The following RARS2 variants were observed in gnomAD, a reference collection of about 807,000 sequenced individuals.
RARS2 encodes the protein probable arginine--tRNA ligase, mitochondrial.
In RARS2, 67 loss-of-function variants were observed where a neutral mutation model predicts 88.5. That is an observed-to-expected ratio of 0.76 (90% confidence interval 0.62 to 0.93). The LOEUF (loss-of-function observed/expected upper bound fraction) is 0.93, where lower values mean the gene tolerates loss of function less well. Ranked by LOEUF, RARS2 falls within the 40% of genes least tolerant of loss-of-function variation. The pLI, the probability that RARS2 is intolerant of heterozygous loss-of-function variation, is 0.00. For synonymous variants in RARS2, 239 were observed against 230.3 expected, an observed-to-expected ratio of 1.04 and a Z score of -0.34; for missense variants, 664 against 684.2, an observed-to-expected ratio of 0.97 and a Z score of 0.33.
intron 7 of RARS2, among the ~76,000 whole-genome samples, chr6:87,543,288 A>T (rs1309924639): frequency 6.7e-6 from 1 of 149,608 alleles, no homozygotes; most frequent in African/African-American, 2.5e-5. Flanking sequence ...GGGCAACAAG[A>T]GCAAACTCTG....
At chr6:87,517,950 T>A (rs1772373507) in intron 17 of RARS2, among the ~76,000 whole-genome samples, 1 of 152,166 alleles carries the variant, frequency 6.6e-6, no homozygotes, top group African/African-American at 2.4e-5. Flanking sequence ...TCATCAGTGA[T>A]AATATTCTGA....
rs531924594 is a variant in RARS2 at position 87,528,141 on chromosome 6, T to C, written c.878+1401A>G. ...GGCATACAAAAGGCTAACAAGTATA[T>C]GAAAAGGTGCTGAACATCACTAATC... On this transcript the variant is annotated intron_variant, in intron 10 of 19. Transcript: ENST00000369536. 3.3e-5 allele frequency among the ~76,000 whole-genome samples: 5 copies of C among 149,456 alleles called. No individual in the cohort carries two copies. The South Asian group carries it at 1.0e-3, about 31-fold the overall frequency.
rs1188085614 is a variant in RARS2 at position 87,553,076 on chromosome 6, T to C, written c.395+2332A>G. ...TTTTCTTCCCTTGAATCTGGGGTGA[T>C]CTTGTGACTTGCTTTCATCAGCAGA... On this transcript the variant is annotated intron_variant, in intron 5 of 19. Transcript: ENST00000369536. 2.0e-5 allele frequency among the ~76,000 whole-genome samples: 3 copies of C among 152,164 alleles called. No individual in the cohort carries two copies. The East Asian group carries it at 5.8e-4, about 29-fold the overall frequency.
At chr6:87,515,064 T>C (rs753683124) in intron 18 of RARS2, 44 bp from the exon 19 acceptor site, 3 of 1,475,890 alleles carry the variant, frequency 2.0e-6, no homozygotes, top group Non-Finnish European at 2.8e-6. Flanking sequence ...AGCAGTAATT[T>C]CCTGTTGTAA....
chr6:87,523,558 A>C (rs1450335399), intron 11 of RARS2, among the ~76,000 whole-genome samples: 1 of 152,224 alleles, frequency 6.6e-6, no homozygotes, highest in Non-Finnish European at 1.5e-5. Flanking sequence ...TACACAGAAA[A>C]GTCTACATCT....
intron 8 of RARS2, among the ~76,000 whole-genome samples, chr6:87,540,515 G>GA (rs899034991): frequency 5.3e-5 from 8 of 151,502 alleles, no homozygotes; most frequent in South Asian, 2.1e-4. Flanking sequence ...CCAGCTGCAG[G>GA]AAAAAATCAC....
rs750762051 is a variant in RARS2, at chr6:87,516,794, A to AT, written c.1586+11dup. ...GCCATTAACACCTGAAAACAGGAAG[A>AT]TTATAAAGTACCTTAAAGTTAGAAG... On this transcript the variant is annotated intron_variant, in intron 18 of 19. Coordinates refer to ENST00000369536, the MANE Select transcript of RARS2 (RefSeq NM_020320.5). The AT allele has an allele frequency of 2.5e-6, 4 of 1,613,058 alleles. No individual in the cohort carries two copies. The highest frequency in any genetic ancestry group is 3.4e-6 in the Non-Finnish European group (4 of 1,179,486).
At chr6:87,574,163 G>A (rs1770680439) in intron 1 of RARS2, among the ~76,000 whole-genome samples, 1 of 152,190 alleles carries the variant, frequency 6.6e-6, no homozygotes, top group Non-Finnish European at 1.5e-5. Context: ...ACACACCAAT[G>A]GCCTTTCCAA....
intron 7 of RARS2, 68 bp downstream of exon 7, chr6:87,545,548 T>C: frequency 6.2e-7 from 1 of 1,603,744 alleles, no homozygotes; most frequent in South Asian, 1.1e-5. Flanking sequence ...CTATATTCTG[T>C]CCAGATCAAA....
intron 8 of RARS2, among the ~76,000 whole-genome samples, chr6:87,539,925 G>C (rs144747624): frequency 1.5e-4 from 23 of 152,200 alleles, no homozygotes; most frequent in African/African-American, 5.3e-4. Context: ...AATTATTCAA[G>C]TGTAAAAATA....
At chr6:87,567,868 T>C (rs1316217597) in intron 2 of RARS2, among the ~76,000 whole-genome samples, 1 of 152,138 alleles carries the variant, frequency 6.6e-6, no homozygotes, top group Non-Finnish European at 1.5e-5. Flanking sequence ...GCCTCCCCGG[T>C]TCAAGCGGTT....
chr6:87,516,536 C>T (rs971375049), intron 18 of RARS2, among the ~76,000 whole-genome samples: 7 of 152,216 alleles, frequency 4.6e-5, no homozygotes, highest in African/African-American at 1.4e-4. Flanking sequence ...GTTGCCCTAA[C>T]ACCATCTCTT....
Position 87,521,568 on chromosome 6 carries a change from G to GGGTAATAATT in RARS2, c.975-54_975-45dup, listed in dbSNP as rs1562068457. Reference sequence around the variant, plus strand: ...AAACCAAGAGTTACTAAGCAGATCCGGGTAATAATTGGTCTTACCTATTTA... The same window carrying GGGTAATAATT: ...AAACCAAGAGTTACTAAGCAGATCCGGGTAATAATTGGTAATAATTGGTCTTACCTATTTA... On this transcript the variant is annotated intron_variant, in intron 11 of 19. Transcript: ENST00000369536. 3 of 1,478,886 alleles carry GGGTAATAATT rather than the reference G, an allele frequency of 2.0e-6. No homozygotes were observed. The South Asian group carries it at 3.4e-5, about 17-fold the overall frequency. 91.6% of individuals were successfully genotyped at this position (1,478,886 alleles called of 1,614,324 possible). A position where few individuals can be genotyped will look rare whatever the true frequency, so the allele number is the denominator to read the frequency against.
intron 6 of RARS2, 121 bp from the exon 7 acceptor site, chr6:87,545,820 A>G (rs1340181474): frequency 1.7e-6 from 2 of 1,177,214 alleles, no homozygotes; most frequent in Admixed American, 2.4e-5. Context: ...TTACCAACTC[A>G]ATGTTTTTTA....
intron 1 of RARS2, among the ~76,000 whole-genome samples, chr6:87,578,893 G>C (rs1474979526): frequency 1.4e-5 from 2 of 141,814 alleles, no homozygotes; most frequent in Non-Finnish European, 1.5e-5. Context: ...CTGGGAGGCA[G>C]AGGTTGCAGT....
At position 87,576,179 on chromosome 6, in the gene RARS2, A is replaced by G. The variant is rs1320451366; in HGVS notation, c.37-6589T>C. The stretch of plus-strand genomic sequence containing the variant: ...ACAAAGATAATTACACTTTGATATA[A>G]TTTATATAAAATTTAATAACTTGTA... On this transcript the variant is annotated intron_variant, in intron 1 of 19. Transcript: ENST00000369536. Among the ~76,000 whole-genome samples, 3 of 120,866 alleles carry G rather than the reference A, an allele frequency of 2.5e-5. 1 individual carries two copies. Among genetic ancestry groups the G allele is most frequent in the Non-Finnish European group, 5.3e-5 (3 of 56,510 alleles). The allele number at this position is 120,866 out of a possible 152,430, so 79.3% of individuals were successfully genotyped here.
In RARS2 at chr6:87,541,940, T is replaced by C. The variant is rs571919577; in HGVS notation, c.590A>G (p.Asn197Ser). The C allele has an allele frequency of 1.9e-6, 3 of 1,613,562 alleles. No individual in the cohort carries two copies. Among genetic ancestry groups the C allele is most frequent in the South Asian group, 1.1e-5 (1 of 91,068 alleles). ...TACTTCAAAGAGATGCTGTAGAGGATTGGACTGCAGTTTTTCCTCATAGCC... is the reference window on the plus strand; with the variant it reads ...TACTTCAAAGAGATGCTGTAGAGGACTGGACTGCAGTTTTTCCTCATAGCC... ...LFGYEEKLQS[N>S]PLQHLFEVYV... is the part of the protein sequence containing the mutation. Residue 197 changes from asparagine (N) to serine (S), a missense_variant, in exon 8 of 20, where the codon AAT becomes AGT. Asn to Ser is a conservative substitution (Grantham distance 46, BLOSUM62 1). Transcript: ENST00000369536.
chr6:87,515,494 T>C (rs1006697944), intron 18 of RARS2, among the ~76,000 whole-genome samples: 3 of 150,742 alleles, frequency 2.0e-5, no homozygotes, highest in Non-Finnish European at 3.0e-5. Context: ...CACTCCAGCC[T>C]GGGCAAGAGT....
intron 1 of RARS2, among the ~76,000 whole-genome samples, chr6:87,582,870 T>C (rs1041787258): frequency 1.3e-5 from 2 of 152,200 alleles, no homozygotes; most frequent in African/African-American, 4.8e-5. Flanking sequence ...GGGTAGCTCC[T>C]CTATCAAGCT....
Sources: allele counts gnomAD v4.1 joint callset (sites outside exome capture counted in the v4.1 genomes callset), GRCh38; gene constraint gnomAD v4.1.1; transcripts MANE v1.5; gene names NCBI Gene and HGNC (gene_info 2026-07-23, HGNC 2026-07-21).